CDH7: variants seen among roughly 807,000 people sequenced by gnomAD.
CDH7 encodes cadherin-7.
CDH7 carries 25 observed loss-of-function variants against 71.8 expected under a neutral mutation model. The observed-to-expected ratio is 0.35, with a 90% CI of 0.25 to 0.49. CDH7 has a LOEUF of 0.49. Ranked by LOEUF, CDH7 falls within the 20% of genes least tolerant of loss-of-function variation. The probability of loss-of-function intolerance (pLI) is 0.99; values close to 1 mark genes in which losing one functional copy is unlikely to be tolerated. For missense variants in CDH7, 862 were observed against 974.6 expected (o/e 0.88, Z 1.54); for synonymous variants, 381 against 363.8 (o/e 1.05, Z -0.54).
rs1398345659 is a variant in CDH7, at chr18:65,880,815, A to T, written c.2279A>T (p.Asp760Val). 1.2e-6 allele frequency: 2 copies of T among 1,614,024 alleles called. No homozygotes were observed. The highest frequency in any genetic ancestry group is 1.7e-6 in the Non-Finnish European group (2 of 1,180,022). Residue 760 changes from aspartate (D) to valine (V), a missense_variant, in exon 12 of 12, where the codon GAC (aspartate) becomes GTC (valine). Transcript: ENST00000397968. ...AGCTCAAACTCTGATCAGAACTATG[A>T]CTACCTAAGTGACTGGGGACCTCGC... ...SISSNSDQNYDYLSDWGPRFK... is the reference protein window; with the variant it reads ...SISSNSDQNYVYLSDWGPRFK...
In CDH7 at chr18:65,863,405, T is replaced by C. The variant is rs572745450; in HGVS notation, c.1864+488T>C. 32 of 162,092 alleles carry C rather than the reference T, an allele frequency of 2.0e-4. No individual in the cohort carries two copies. The East Asian group carries it at 2.7e-3, about 14-fold the overall frequency. The allele number at this position is 162,092 out of a possible 1,614,324, so 10.0% of individuals were successfully genotyped here. On this transcript the variant is annotated intron_variant, in intron 11 of 11. Coordinates refer to ENST00000397968, the MANE Select transcript of CDH7 (RefSeq NM_004361.5). ...ACTTTCCAGTGGTATATTTGAAGTA[T>C]AACTCAGACAAAAAGTTGTATCAAT...
At chr18:65,783,755 A>G (rs1910405185) in intron 2 of CDH7, among the ~76,000 whole-genome samples, 1 of 152,136 alleles carries the variant, frequency 6.6e-6, no homozygotes, top group South Asian at 2.1e-4. Context: ...GACTACAGCT[A>G]TTTAAGGAGT....
intron 2 of CDH7, among the ~76,000 whole-genome samples, chr18:65,806,792 GA>G (rs1911342396): frequency 6.6e-6 from 1 of 152,170 alleles, no homozygotes; most frequent in Admixed American, 6.5e-5. Flanking sequence ...ATCAAGGAGA[GA>G]GGAGTTTTTT....
chr18:65,818,512 G>A (rs1239382789), intron 4 of CDH7, among the ~76,000 whole-genome samples: 1 of 152,002 alleles, frequency 6.6e-6, no homozygotes, highest in East Asian at 1.9e-4. Flanking sequence ...ACATCATATT[G>A]GAATTTTCTT....
intron 2 of CDH7, among the ~76,000 whole-genome samples, chr18:65,805,043 T>C (rs1911266761): frequency 6.6e-6 from 1 of 152,138 alleles, no homozygotes; most frequent in Admixed American, 6.5e-5. Flanking sequence ...TACTGCTGTT[T>C]TTCAAAGTGG....
intron 3 of CDH7, among the ~76,000 whole-genome samples, chr18:65,810,381 A>T (rs764623524): frequency 6.6e-6 from 1 of 152,126 alleles, no homozygotes; most frequent in Non-Finnish European, 1.5e-5. Context: ...TCTTTCCATG[A>T]TATTAAGATA....
At chr18:65,776,616 C>G (rs905892016) in intron 2 of CDH7, among the ~76,000 whole-genome samples, 1 of 152,040 alleles carries the variant, frequency 6.6e-6, no homozygotes, top group Non-Finnish European at 1.5e-5. Context: ...TTTTCTCTCA[C>G]TCTCTCTCCT....
rs1914297006 is a variant in CDH7 at position 65,883,767 on chromosome 18, T to C, written c.*2873T>C. 1 of 152,146 alleles carries C rather than the reference T, an allele frequency of 6.6e-6. No homozygotes were observed. Among genetic ancestry groups the C allele is most frequent in the Non-Finnish European group, 1.5e-5 (1 of 67,974 alleles). 9.4% of individuals were successfully genotyped at this position (152,146 alleles called of 1,614,324 possible). A position where few individuals can be genotyped will look rare whatever the true frequency, so the allele number is the denominator to read the frequency against. The stretch of plus-strand genomic sequence containing the variant: ...TATTTTATAAAATGAAATGTCATAA[T>C]TGTAAATATAGTATGAATTTATATG... On this transcript the variant is annotated 3_prime_UTR_variant, in exon 12 of 12. Coordinates refer to ENST00000397968, the MANE Select transcript of CDH7 (RefSeq NM_004361.5).
At chr18:65,822,293 A>T in intron 5 of CDH7, 45 bp downstream of exon 5, 1 of 1,473,646 alleles carries the variant, frequency 6.8e-7, no homozygotes, top group Non-Finnish European at 9.4e-7. Flanking sequence ...ACTTTCCCTG[A>T]AAGTCTATAA....
At chr18:65,807,184 G>A (rs192401181) in intron 2 of CDH7, among the ~76,000 whole-genome samples, 24 of 152,208 alleles carry the variant, frequency 1.6e-4, no homozygotes, top group African/African-American at 4.6e-4. Context: ...GGAGAAGCAA[G>A]CAGTATGAAA....
chr18:65,876,595 A>G (rs758974516), intron 11 of CDH7, among the ~76,000 whole-genome samples: 45 of 152,006 alleles, frequency 3.0e-4, no homozygotes, highest in Non-Finnish European at 5.4e-4. Context: ...CCCTACCCTC[A>G]GCCTCCAGTT....
At chr18:65,823,785 C>G (rs79224807) in intron 5 of CDH7, among the ~76,000 whole-genome samples, 8,109 of 151,350 alleles carry the variant, frequency 0.054, 300 homozygotes, top group South Asian at 0.12. Context: ...CTTCACAAGA[C>G]AGGACAAATG....
intron 3 of CDH7, among the ~76,000 whole-genome samples, chr18:65,811,187 TA>T (rs36078345): frequency 0.84 from 123,415 of 147,088 alleles, 53,164 homozygotes; most frequent in East Asian, 0.98. Flanking sequence ...TGTGATTTAT[TA>T]AAAAAAAAAA....
intron 7 of CDH7, among the ~76,000 whole-genome samples, chr18:65,847,124 A>G (rs1912962623): frequency 6.6e-6 from 1 of 152,184 alleles, no homozygotes; most frequent in African/African-American, 2.4e-5. Context: ...ATCAAAATGT[A>G]AATCCTGTCT....
intron 6 of CDH7, among the ~76,000 whole-genome samples, chr18:65,826,683 G>T (rs147705465): frequency 1.3e-5 from 2 of 151,244 alleles, no homozygotes; most frequent in African/African-American, 2.4e-5. Context: ...GTAACATTCA[G>T]TAGTTATTGT....
At chr18:65,805,329 G>GCAA (rs1366461205) in intron 2 of CDH7, among the ~76,000 whole-genome samples, 5 of 152,206 alleles carry the variant, frequency 3.3e-5, no homozygotes, top group Non-Finnish European at 5.9e-5. Flanking sequence ...GCATGGAAAT[G>GCAA]CTTGCTATGC....
chr18:65,825,908 G>T (rs1313578815), intron 6 of CDH7, among the ~76,000 whole-genome samples: 1 of 151,584 alleles, frequency 6.6e-6, no homozygotes, highest in Non-Finnish European at 1.5e-5. Flanking sequence ...ATTCAGTAAG[G>T]TACAATGCTG....
chr18:65,767,919 T>G (rs1916425388), intron 2 of CDH7, among the ~76,000 whole-genome samples: 1 of 152,224 alleles, frequency 6.6e-6, no homozygotes, highest in South Asian at 2.1e-4. Flanking sequence ...TTTATTCGGC[T>G]TAATATGGCT....
intron 2 of CDH7, among the ~76,000 whole-genome samples, chr18:65,801,307 A>G (rs1374352767): frequency 6.6e-6 from 1 of 152,214 alleles, no homozygotes; most frequent in Non-Finnish European, 1.5e-5. Context: ...GCATCGGGAT[A>G]TGCAAATTGT....
Sources: gnomAD v4.1 joint callset for allele counts (sites outside exome capture counted in the v4.1 genomes callset) on GRCh38, gnomAD v4.1.1 for gene constraint, MANE v1.5 for transcripts, NCBI Gene and HGNC (gene_info 2026-07-23, HGNC 2026-07-21) for gene names.